CACNB2: variants seen among roughly 807,000 people sequenced by gnomAD.
The protein encoded by CACNB2 is voltage-dependent L-type calcium channel subunit beta-2.
A neutral mutation model predicts 73.3 loss-of-function variants in CACNB2; 42 were observed. The ratio of observed to expected loss-of-function variants is 0.57; its 90% CI spans 0.45 to 0.74. The LOEUF is 0.74. Ranked by LOEUF, CACNB2 falls within the 30% of genes least tolerant of loss-of-function variation. The pLI is 0.00. For missense variants in CACNB2, 940 were observed against 853.0 expected, an observed-to-expected ratio of 1.10 and a Z score of -1.27; for synonymous variants, 348 against 310.3, an observed-to-expected ratio of 1.12 and a Z score of -1.28.
intron 2 of CACNB2, among the ~76,000 whole-genome samples, chr10:18,229,570 A>G (rs935369315): frequency 1.3e-5 from 2 of 152,330 alleles, no homozygotes; most frequent in East Asian, 3.9e-4. Context: ...TTTTATGATA[A>G]TCCTTAAAAT....
At chr10:18,348,935 A>G (rs2489194) in intron 2 of CACNB2, among the ~76,000 whole-genome samples, 115,090 of 152,066 alleles carry the variant, frequency 0.76, 43,954 homozygotes, top group Admixed American at 0.81. Flanking sequence ...CCTGGGCAAC[A>G]TAGGGAGACC....
chr10:18,149,189 G>T (rs908780640), intron 1 of CACNB2, among the ~76,000 whole-genome samples: 5 of 151,798 alleles, frequency 3.3e-5, no homozygotes, highest in Non-Finnish European at 5.9e-5. Context: ...AAATTTAAAA[G>T]AAAATTTTAA....
chr10:18,488,496 A>G (rs1016110702), intron 3 of CACNB2, among the ~76,000 whole-genome samples: 13 of 151,026 alleles, frequency 8.6e-5, no homozygotes, highest in Non-Finnish European at 1.8e-4. Flanking sequence ...AAAAAAAAAA[A>G]AAAGAAAATC....
At chr10:18,210,063 A>G (rs1310816797) in intron 2 of CACNB2, among the ~76,000 whole-genome samples, 2 of 152,206 alleles carry the variant, frequency 1.3e-5, no homozygotes, top group Non-Finnish European at 2.9e-5. Flanking sequence ...CTTTTGAGTT[A>G]CAGGAGGAGG....
intron 2 of CACNB2, chr10:18,260,836 A>G: frequency 5.8e-6 from 6 of 1,030,726 alleles, no homozygotes; most frequent in Non-Finnish European, 7.0e-6. Flanking sequence ...TCAAAAGCAG[A>G]GTACTGCAGG....
intron 3 of CACNB2, among the ~76,000 whole-genome samples, chr10:18,487,633 G>A (rs1385996158): frequency 3.3e-5 from 5 of 152,068 alleles, no homozygotes; most frequent in East Asian, 1.9e-4. Context: ...TCAGGAGTTA[G>A]AGACCAGCCT....
rs893040661 is a variant in CACNB2, at chr10:18,497,725, C to T, written c.334-630C>T. On this transcript the variant is annotated intron_variant, in intron 3 of 13. Transcript: ENST00000324631. ...CAGGCATGAGCCACCACTCCTGGCC[C>T]TTTATCTGTAAAATTTCAAAGCATC... Among the ~76,000 whole-genome samples the T allele has an allele frequency of 3.3e-5, 5 of 152,102 alleles. No homozygotes were observed. In the East Asian group the frequency reaches 9.6e-4, roughly 29 times the overall value.
chr10:18,539,895 T>G lies in CACNB2; in HGVS notation c.*171T>G. ...CAATAGCATGGATAGAGTATTGAGA[T>G]ACTTTTTCTTTTGTAAGTGCTACAT... On this transcript the variant is annotated 3_prime_UTR_variant, in exon 14 of 14. Transcript: ENST00000324631. 3 of 735,066 alleles carry G rather than the reference T, an allele frequency of 4.1e-6. No homozygotes were observed. The highest frequency in any genetic ancestry group is 6.4e-6 in the Non-Finnish European group (3 of 466,526). The allele number at this position is 735,066 out of a possible 1,614,324, so 45.5% of individuals were successfully genotyped here.
chr10:18,277,071 C>A (rs188058318), intron 2 of CACNB2, among the ~76,000 whole-genome samples: 1 of 152,142 alleles, frequency 6.6e-6, no homozygotes, highest in Non-Finnish European at 1.5e-5. Flanking sequence ...GAGCCGTGTT[C>A]GTGCCACTGC....
At chr10:18,506,189 G>A (rs1026988593) in intron 5 of CACNB2, among the ~76,000 whole-genome samples, 1 of 152,188 alleles carries the variant, frequency 6.6e-6, no homozygotes, top group African/African-American at 2.4e-5. Context: ...TTCACTGTCT[G>A]TGATCTGGGC....
intron 2 of CACNB2, among the ~76,000 whole-genome samples, chr10:18,240,364 G>A (rs958840143): frequency 6.6e-6 from 1 of 152,182 alleles, no homozygotes; most frequent in African/African-American, 2.4e-5. Flanking sequence ...CATGCAGGTT[G>A]TGGATTCGGT....
chr10:18,266,558 T>A (rs974776415), intron 2 of CACNB2, among the ~76,000 whole-genome samples: 3 of 152,138 alleles, frequency 2.0e-5, no homozygotes, highest in Admixed American at 1.3e-4. Context: ...CAATTCATAC[T>A]TTTTACAAGT....
chr10:18,483,011 T>C (rs188758263), intron 3 of CACNB2, among the ~76,000 whole-genome samples: 2,746 of 152,258 alleles, frequency 0.018, 33 homozygotes, highest in Middle Eastern at 0.034. Flanking sequence ...TTTCGGCCCC[T>C]TCAAACAGAG....
At chr10:18,178,086 G>C (rs1255306861) in intron 2 of CACNB2, among the ~76,000 whole-genome samples, 1 of 152,100 alleles carries the variant, frequency 6.6e-6, no homozygotes, top group Non-Finnish European at 1.5e-5. Flanking sequence ...TTTGCATTGG[G>C]ATGCATACTT....
chr10:18,457,666 G>A (rs191723597), intron 3 of CACNB2, among the ~76,000 whole-genome samples: 24 of 152,110 alleles, frequency 1.6e-4, no homozygotes, highest in Admixed American at 1.2e-3. Flanking sequence ...TGAGGTGGGC[G>A]GATCACCTGA....
At chr10:18,403,362 G>T (rs555681152) in intron 3 of CACNB2, among the ~76,000 whole-genome samples, 1 of 152,350 alleles carries the variant, frequency 6.6e-6, no homozygotes, top group East Asian at 1.9e-4. Flanking sequence ...AATATAGGTT[G>T]CAGCTGAGAG....
At chr10:18,447,019 C>T (rs11014261) in intron 3 of CACNB2, among the ~76,000 whole-genome samples, 70,800 of 151,110 alleles carry the variant, frequency 0.47, 17,820 homozygotes, top group Non-Finnish European at 0.58. Flanking sequence ...GTGATTATGC[C>T]GTTGTACTCC....
Position 18,419,915 on chromosome 10 carries a change from C to G in CACNB2, c.333+17872C>G, listed in dbSNP as rs370618394. Reference sequence around the variant, plus strand: ...AGAATTTAGGAATGCACTACTATCTCTAAAGCAAAACTTCTTATTAAACTA... The same window carrying G: ...AGAATTTAGGAATGCACTACTATCTGTAAAGCAAAACTTCTTATTAAACTA... On this transcript the variant is annotated intron_variant, in intron 3 of 13. Transcript: ENST00000324631. Among the ~76,000 whole-genome samples, 7 of 152,304 alleles carry G rather than the reference C, an allele frequency of 4.6e-5. No individual in the cohort carries two copies. In the East Asian group the frequency reaches 7.7e-4, roughly 17 times the overall value.
At chr10:18,261,775 A>C (rs902943192) in intron 2 of CACNB2, among the ~76,000 whole-genome samples, 1 of 152,204 alleles carries the variant, frequency 6.6e-6, no homozygotes, top group African/African-American at 2.4e-5. Flanking sequence ...AGTAGATAAT[A>C]ATCACTGGAT....
Sources: gnomAD v4.1 joint callset for allele counts (sites outside exome capture counted in the v4.1 genomes callset) on GRCh38, gnomAD v4.1.1 for gene constraint, MANE v1.5 for transcripts, NCBI Gene and HGNC (gene_info 2026-07-23, HGNC 2026-07-21) for gene names.